GALNT13: variants seen among roughly 807,000 people sequenced by gnomAD.
GALNT13 encodes polypeptide N-acetylgalactosaminyltransferase 13, also known as UDP-GalNAc:polypeptide N-acetylgalactosaminyltransferase 13.
In GALNT13, 28 loss-of-function variants were observed where a neutral mutation model predicts 64.2. That is an observed-to-expected ratio of 0.44 (90% CI 0.32 to 0.60). The LOEUF (loss-of-function observed/expected upper bound fraction) is 0.60, where lower values mean the gene tolerates loss of function less well. Ranked by LOEUF, GALNT13 falls within the 20% of genes least tolerant of loss-of-function variation. The pLI is 0.05. For synonymous variants in GALNT13, 214 were observed against 224.6 expected (o/e 0.95, Z 0.42); for missense variants, 577 against 669.8 (o/e 0.86, Z 1.53).
chr2:154,175,833 T>A (rs1685617935), intron 4 of GALNT13, among the ~76,000 whole-genome samples: 1 of 152,202 alleles, frequency 6.6e-6, no homozygotes, highest in Non-Finnish European at 1.5e-5. Flanking sequence ...GCAACTATAA[T>A]GTTCTTATGA....
At chr2:153,111,704 G>A in the GALNT13 span, among the ~76,000 whole-genome samples, 3 of 152,050 alleles carry the variant, frequency 2.0e-5, no homozygotes, top group Non-Finnish European at 4.4e-5. Flanking sequence ...CTAAAAGTAA[G>A]TAATTTTAGT....
the GALNT13 span, among the ~76,000 whole-genome samples, chr2:153,850,769 A>G: frequency 3.5e-4 from 54 of 152,320 alleles, no homozygotes; most frequent in African/African-American, 1.3e-3. Flanking sequence ...AAGGCACTGG[A>G]TGAGATTAGC....
At chr2:154,225,415 C>T (rs1688564008) in intron 4 of GALNT13, among the ~76,000 whole-genome samples, 1 of 152,030 alleles carries the variant, frequency 6.6e-6, no homozygotes, top group Admixed American at 6.6e-5. Context: ...TAAACTGCAA[C>T]AACCCTTGTA....
intron 3 of GALNT13, among the ~76,000 whole-genome samples, chr2:154,068,372 A>G (rs762904627): frequency 1.7e-4 from 26 of 152,022 alleles, no homozygotes; most frequent in Non-Finnish European, 3.4e-4. Flanking sequence ...GTATATACCC[A>G]GAAGAAAGGA....
At chr2:153,557,087 T>G in the GALNT13 span, among the ~76,000 whole-genome samples, 2,289 of 152,212 alleles carry the variant, frequency 0.015, 59 homozygotes, top group African/African-American at 0.051. Context: ...ATTTCCATCA[T>G]CAGCAGCAGA....
chr2:154,070,352 TATC>T (rs1196393154), intron 3 of GALNT13, among the ~76,000 whole-genome samples: 2 of 152,154 alleles, frequency 1.3e-5, no homozygotes, highest in African/African-American at 2.4e-5. Context: ...AGTATCAACA[TATC>T]ATACTGTCAT....
At chr2:153,966,520 A>C (rs550385378) in intron 3 of GALNT13, among the ~76,000 whole-genome samples, 10 of 151,634 alleles carry the variant, frequency 6.6e-5, no homozygotes, top group Non-Finnish European at 1.2e-4. Flanking sequence ...CGCCCGCCAA[A>C]ACGCCTGGCT....
chr2:154,296,168 C>T (rs954805957), intron 8 of GALNT13, among the ~76,000 whole-genome samples: 3 of 152,120 alleles, frequency 2.0e-5, no homozygotes, highest in Non-Finnish European at 4.4e-5. Flanking sequence ...AGGTCTTGTC[C>T]AGATGCTATT....
At chr2:154,177,816 C>A (rs562586329) in intron 4 of GALNT13, among the ~76,000 whole-genome samples, 1 of 152,178 alleles carries the variant, frequency 6.6e-6, no homozygotes, top group African/African-American at 2.4e-5. Flanking sequence ...TGAAAAGAGA[C>A]CTGGCAACAC....
chr2:154,288,045 G>A (rs369083043), intron 8 of GALNT13, among the ~76,000 whole-genome samples: 1 of 151,994 alleles, frequency 6.6e-6, no homozygotes, highest in African/African-American at 2.4e-5. Context: ...CCCAAGACTG[G>A]GTAATTTATA....
chr2:154,153,877 C>A (rs571662079), intron 4 of GALNT13, among the ~76,000 whole-genome samples: 1 of 152,232 alleles, frequency 6.6e-6, no homozygotes, highest in South Asian at 2.1e-4. Flanking sequence ...TGACCCCTTG[C>A]GCTTCCCGAG....
the GALNT13 span, among the ~76,000 whole-genome samples, chr2:153,475,581 T>C: frequency 2.0e-3 from 298 of 152,336 alleles, 1 homozygote; most frequent in Non-Finnish European, 3.2e-3. Context: ...TTGTTTTAAA[T>C]GAAAACCTGT....
At chr2:153,924,634 A>G (rs1385966971) in intron 2 of GALNT13, among the ~76,000 whole-genome samples, 2 of 152,312 alleles carry the variant, frequency 1.3e-5, no homozygotes, top group East Asian at 1.9e-4. Flanking sequence ...AGGAATTGCC[A>G]TACTGCCTTC....
intron 3 of GALNT13, among the ~76,000 whole-genome samples, chr2:154,035,378 A>G (rs972733065): frequency 6.6e-6 from 1 of 152,068 alleles, no homozygotes; most frequent in African/African-American, 2.4e-5. Context: ...GAAATTTAGT[A>G]TCATATAGAA....
the GALNT13 span, among the ~76,000 whole-genome samples, chr2:153,090,018 C>A: frequency 6.6e-6 from 1 of 151,914 alleles, no homozygotes; most frequent in Non-Finnish European, 1.5e-5. Flanking sequence ...CCTCTTTTTT[C>A]ATATTACCAG....
At chr2:153,966,098 T>G (rs1209742226) in intron 3 of GALNT13, among the ~76,000 whole-genome samples, 1 of 152,098 alleles carries the variant, frequency 6.6e-6, no homozygotes, top group Non-Finnish European at 1.5e-5. Flanking sequence ...TTGAAGAACC[T>G]ATTTTAACAT....
At chr2:153,660,313 G>T in the GALNT13 span, among the ~76,000 whole-genome samples, 1 of 152,020 alleles carries the variant, frequency 6.6e-6, no homozygotes, top group Non-Finnish European at 1.5e-5. Context: ...AGTGTGACAA[G>T]ATCCAGAGTG....
At chr2:153,162,671 G>A in the GALNT13 span, among the ~76,000 whole-genome samples, 2 of 152,144 alleles carry the variant, frequency 1.3e-5, no homozygotes, top group African/African-American at 2.4e-5. Context: ...ACCCATAGAT[G>A]TTTTTGTATT....
intron 4 of GALNT13, chr2:154,236,071 G>T (rs1450253749): frequency 8.1e-7 from 1 of 1,234,482 alleles, no homozygotes; most frequent in Admixed American, 2.6e-5. Flanking sequence ...AACAGCATTA[G>T]TGTACATCCA....
Sources: allele counts gnomAD v4.1 joint callset (sites outside exome capture counted in the v4.1 genomes callset), GRCh38; gene constraint gnomAD v4.1.1; transcripts MANE v1.5; gene names NCBI Gene and HGNC (gene_info 2026-07-23, HGNC 2026-07-21).